Variants in SLCO1A2 observed in about 807,000 individuals in gnomAD.
SLCO1A2 encodes solute carrier organic anion transporter family member 1A2, also known as OATP-1.
In SLCO1A2, 67 loss-of-function variants were observed where a neutral mutation model predicts 69.0. The observed-to-expected ratio is 0.97, with a 90% CI of 0.80 to 1.19. The LOEUF (loss-of-function observed/expected upper bound fraction) is 1.19, where lower values mean the gene tolerates loss of function less well. Among genes scored for constraint, SLCO1A2 ranks in the 50% most tolerant of loss-of-function variants. The pLI, the probability that SLCO1A2 is intolerant of heterozygous loss-of-function variation, is 0.00. For missense variants in SLCO1A2, 787 were observed against 793.7 expected, an observed-to-expected ratio of 0.99 and a Z score of 0.10; for synonymous variants, 260 against 265.9, an observed-to-expected ratio of 0.98 and a Z score of 0.22.
chr12:21,409,428 A>C (rs1941872585), intron 1 of SLCO1A2, among the ~76,000 whole-genome samples: 1 of 152,210 alleles, frequency 6.6e-6, no homozygotes, highest in South Asian at 2.1e-4. Flanking sequence ...TCAATCATTC[A>C]AATTTTATCT....
At chr12:21,347,665 A>AAGAAAGGAAGGAAGGAAGGAAGG in intron 2 of SLCO1A2, among the ~76,000 whole-genome samples, 1 of 6,390 alleles carries the variant, frequency 1.6e-4, no homozygotes, top group Non-Finnish European at 6.0e-4. Flanking sequence ...AAGAAGAAAG[A>AAGAAAGGAAGGAAGGAAGGAAGG]AAGAAAGGAA....
intron 12 of SLCO1A2, among the ~76,000 whole-genome samples, chr12:21,280,510 T>C (rs1214367902): frequency 6.6e-6 from 1 of 151,916 alleles, no homozygotes; most frequent in Admixed American, 6.6e-5. Flanking sequence ...GATAAAAGGA[T>C]TAATTAAGCA....
At chr12:21,418,549 G>A (rs1028020563), upstream of SLCO1A2, among the ~76,000 whole-genome samples, 5 of 152,094 alleles carry the variant, frequency 3.3e-5, no homozygotes, top group Non-Finnish European at 5.9e-5. Flanking sequence ...CTTAGATTGC[G>A]GCAGACAAGA....
chr12:21,372,230 A>G (rs1276401346), intron 2 of SLCO1A2, among the ~76,000 whole-genome samples: 7 of 152,158 alleles, frequency 4.6e-5, no homozygotes, highest in Non-Finnish European at 4.4e-5. Context: ...TCCAAAAACT[A>G]CTTGACTACA....
intron 2 of SLCO1A2, among the ~76,000 whole-genome samples, chr12:21,325,955 T>C (rs1952192152): frequency 6.6e-6 from 1 of 152,196 alleles, no homozygotes; most frequent in Non-Finnish European, 1.5e-5. Flanking sequence ...TACCATGTGA[T>C]ATGGTTTGGC....
chr12:21,353,428 T>A (rs1407048876), intron 2 of SLCO1A2, among the ~76,000 whole-genome samples: 1 of 151,212 alleles, frequency 6.6e-6, no homozygotes, highest in Non-Finnish European at 1.5e-5. Context: ...TTCTACTATA[T>A]GGAAGGTTCG....
At chr12:21,400,849 G>A (rs1169194190) in intron 1 of SLCO1A2, among the ~76,000 whole-genome samples, 1 of 111,602 alleles carries the variant, frequency 9.0e-6, no homozygotes, top group Non-Finnish European at 1.8e-5. Context: ...GACACAGGAA[G>A]GGGAATATCA....
Position 21,374,823 on chromosome 12 carries a change from C to G in SLCO1A2, c.-189-298G>C, listed in dbSNP as rs183809794. On this transcript the variant is annotated intron_variant, in intron 1 of 15. Coordinates refer to the SLCO1A2 transcript ENST00000307378. Reference sequence around the variant, plus strand: ...TTTATTTTATTTTGAGACAGGGTCTCTCTCTCTCTCTCTCTCTGTCTCTGT... The same window carrying G: ...TTTATTTTATTTTGAGACAGGGTCTGTCTCTCTCTCTCTCTCTGTCTCTGT... Among the ~76,000 whole-genome samples the G allele has an allele frequency of 3.3e-5, 5 of 151,138 alleles. No homozygotes were observed. The East Asian group carries it at 9.7e-4, about 29-fold the overall frequency.
intron 2 of SLCO1A2, among the ~76,000 whole-genome samples, chr12:21,369,630 T>C (rs1939640173): frequency 6.6e-6 from 1 of 152,198 alleles, no homozygotes; most frequent in Non-Finnish European, 1.5e-5. Context: ...CGGGACAGTT[T>C]TTCTCCAACT....
intron 1 of SLCO1A2, among the ~76,000 whole-genome samples, chr12:21,381,518 C>T (rs1220939463): frequency 1.3e-5 from 2 of 152,164 alleles, no homozygotes; most frequent in East Asian, 3.9e-4. Context: ...AAAAAACAGG[C>T]TGGGCGTGGT....
intron 1 of SLCO1A2, among the ~76,000 whole-genome samples, chr12:21,377,785 A>G (rs1428095464): frequency 3.3e-5 from 5 of 152,234 alleles, no homozygotes; most frequent in African/African-American, 1.2e-4. Flanking sequence ...TATCTCAAGG[A>G]ACTTAAAGAC....
rs532885270 is a variant in SLCO1A2 at position 21,300,504 on chromosome 12, A to T, written c.754T>A (p.Cys252Ser). 1 of 1,613,576 alleles carries T rather than the reference A, an allele frequency of 6.2e-7. No homozygotes were observed. The highest frequency in any genetic ancestry group is 1.1e-5 in the South Asian group (1 of 91,028). The change falls in exon 8 of 15, where the codon TGT (cysteine) becomes AGT (serine). Residue 252 changes from cysteine (C) to serine (S), a missense_variant. Transcript: ENST00000683939. ...VGAWWFGFLI[C>S]AGVNVLTAIP... ...GCAGTGAGCACGTTAACTCCTGCAC[A>T]AATCAGAAAGCCAAACCACCATGCA...
chr12:21,341,877 G>A (rs1716505076), intron 2 of SLCO1A2, among the ~76,000 whole-genome samples: 1 of 152,058 alleles, frequency 6.6e-6, no homozygotes, highest in African/African-American at 2.4e-5. Context: ...TTTGGGACGA[G>A]TAAATAAAAT....
At chr12:21,418,785 G>C (rs758413908), upstream of SLCO1A2, among the ~76,000 whole-genome samples, 9 of 152,110 alleles carry the variant, frequency 5.9e-5, no homozygotes, top group Admixed American at 3.9e-4. Flanking sequence ...ACTTAAAGAA[G>C]TAAGGGGGTT....
At chr12:21,411,253 A>T (rs1198508542) in intron 1 of SLCO1A2, among the ~76,000 whole-genome samples, 1 of 152,076 alleles carries the variant, frequency 6.6e-6, no homozygotes, top group Non-Finnish European at 1.5e-5. Flanking sequence ...ATGTTTGGAA[A>T]TTTTTTTTGA....
At chr12:21,386,953 C>T (rs1940911614) in intron 1 of SLCO1A2, among the ~76,000 whole-genome samples, 1 of 151,962 alleles carries the variant, frequency 6.6e-6, no homozygotes, top group African/African-American at 2.4e-5. Context: ...ATCAAAACAC[C>T]GATAGTGATA....
intron 12 of SLCO1A2, among the ~76,000 whole-genome samples, chr12:21,283,835 G>A (rs528218610): frequency 2.0e-5 from 3 of 152,240 alleles, no homozygotes; most frequent in Admixed American, 2.0e-4. Context: ...GATCAAGAGA[G>A]GAATGCAAAT....
intron 1 of SLCO1A2, among the ~76,000 whole-genome samples, chr12:21,415,721 T>G (rs371088359): frequency 6.6e-6 from 1 of 152,116 alleles, no homozygotes; most frequent in East Asian, 1.9e-4. Flanking sequence ...TTGTCTTTGT[T>G]AGTCTTGAAT....
At chr12:21,285,856 T>C (rs1420616152) in intron 12 of SLCO1A2, among the ~76,000 whole-genome samples, 3 of 152,112 alleles carry the variant, frequency 2.0e-5, no homozygotes, top group Non-Finnish European at 4.4e-5. Context: ...ATGGGACGTA[T>C]TTCAAAATAA....
Sources: gnomAD v4.1 joint callset for allele counts (sites outside exome capture counted in the v4.1 genomes callset) on GRCh38, gnomAD v4.1.1 for gene constraint, MANE v1.5 for transcripts, NCBI Gene and HGNC (gene_info 2026-07-23, HGNC 2026-07-21) for gene names.